ZFP69B: variants seen among roughly 807,000 people sequenced by gnomAD.
The protein encoded by ZFP69B is ZFP69 zinc finger protein B.
Under a neutral mutation model 19.7 loss-of-function variants are expected in ZFP69B, and 20 were observed. The ratio of observed to expected loss-of-function variants is 1.02; its 90% CI spans 0.71 to 1.48. ZFP69B has a LOEUF of 1.48. ZFP69B is among the 40% of genes most tolerant of loss of function. ZFP69B has a pLI of 0.00. For missense variants in ZFP69B, 583 were observed against 632.6 expected, an observed-to-expected ratio of 0.92 and a Z score of 0.84; for synonymous variants, 220 against 222.7, an observed-to-expected ratio of 0.99 and a Z score of 0.11.
In ZFP69B at chr1:40,463,146, G is replaced by A. The variant is rs763213145; in HGVS notation, c.1162G>A (p.Glu388Lys). ...LIQHLRTHVR[E>K]KPFTCKDCGK... ...CCAGCATTTGAGAACTCATGTTAGA[G>A]AGAAACCTTTTACATGCAAAGACTG... The change falls in exon 5 of 5, where the codon GAG becomes AAG. Residue 388 changes from glutamate (E) to lysine (K), a missense_variant. Transcript: ENST00000361584. The A allele has an allele frequency of 7.4e-6, 12 of 1,614,028 alleles. No individual in the cohort carries two copies. In the East Asian group the frequency reaches 2.5e-4, roughly 33 times the overall value.
rs749062153 is a variant in ZFP69B at position 40,462,575 on chromosome 1, C to G, written c.591C>G (p.Ser197Arg). ...TCTCCAAATGTAATAAGCTAGAAAG[C>G]CAACAAGAGAACCAAAGAATGGGTA... ...GRISKCNKLESQQENQRMGKG... is the reference protein window; with the variant it reads ...GRISKCNKLERQQENQRMGKG... Residue 197 changes from serine to arginine, a missense_variant, in exon 5 of 5, where the codon AGC (serine) becomes AGG (arginine). Ser to Arg is a moderately radical substitution (Grantham distance 110). Coordinates refer to ENST00000361584, the MANE Select transcript of ZFP69B (RefSeq NM_023070.3). 3.7e-6 allele frequency: 6 copies of G among 1,614,028 alleles called. No homozygotes were observed. The Admixed American group carries it at 6.7e-5, about 18-fold the overall frequency.
At chr1:40,451,664 G>A (rs558748059) in intron 1 of ZFP69B, among the ~76,000 whole-genome samples, 1 of 138,360 alleles carries the variant, frequency 7.2e-6, no homozygotes, top group Admixed American at 7.1e-5. Context: ...GGGGGGGGGG[G>A]AATTCATTTG....
chr1:40,458,420 G>A (rs770819943), intron 4 of ZFP69B, among the ~76,000 whole-genome samples: 2 of 151,822 alleles, frequency 1.3e-5, no homozygotes, highest in South Asian at 2.1e-4. Context: ...GTAATAAATC[G>A]ACTCCAAAAT....
chr1:40,451,696 A>G (rs1331947559), intron 1 of ZFP69B, among the ~76,000 whole-genome samples: 2 of 151,930 alleles, frequency 1.3e-5, no homozygotes, highest in Non-Finnish European at 1.5e-5. Context: ...GGTAATTAAT[A>G]CACTGATTCC....
chr1:40,451,043 C>T lies in ZFP69B; in HGVS notation c.82C>T (p.Arg28Trp), dbSNP rs1270084601. 10 of 1,549,022 alleles carry T rather than the reference C, an allele frequency of 6.5e-6. No individual in the cohort carries two copies. Among genetic ancestry groups the T allele is most frequent in the African/African-American group, 1.4e-5 (1 of 72,806 alleles). Residue 28 changes from arginine to tryptophan, a missense_variant, in exon 1 of 5, where the codon CGG (arginine) becomes TGG (tryptophan). Physicochemically the swap from Arg to Trp is moderately radical, Grantham distance 101. Transcript: ENST00000361584. ...GCGTCATCCAAAGGCGGCCACGGAG[C>T]GGGTGGCCCTGTGGGAGGATGTGAC... ...KLRHPKAATE[R>W]VALWEDVTKM...
chr1:40,462,731 A>G lies in ZFP69B; in HGVS notation c.747A>G (p.Arg249=), dbSNP rs774931726. ...MPGPIGLPRK[R]DRKYDTPGKR... ...GACCAATAGGTCTTCCAAGAAAAAG[A>G]GATCGTAAATATGACACACCTGGAA... The change falls in exon 5 of 5, where the codon AGA becomes AGG. Residue 249 remains arginine (R), a synonymous_variant. Transcript: ENST00000361584. The G allele has an allele frequency of 6.2e-7, 1 of 1,614,168 alleles. No individual in the cohort carries two copies. The highest frequency in any genetic ancestry group is 1.1e-5 in the South Asian group (1 of 91,074).
rs548493436 is a variant in ZFP69B at position 40,457,263 on chromosome 1, C to G, written c.341-81C>G. Reference sequence around the variant, plus strand: ...TCTACTCTGCTTTCTTTAGAAGGCCCGAATACCAAAGAACCATATTTAAAT... The same window carrying G: ...TCTACTCTGCTTTCTTTAGAAGGCCGGAATACCAAAGAACCATATTTAAAT... On this transcript the variant is annotated intron_variant, in intron 3 of 4. Coordinates refer to ENST00000361584, the MANE Select transcript of ZFP69B (RefSeq NM_023070.3). 11 of 1,526,662 alleles carry G rather than the reference C, an allele frequency of 7.2e-6. No individual in the cohort carries two copies. The Middle Eastern group carries it at 1.5e-3, about 211-fold the overall frequency. 94.6% of individuals were successfully genotyped at this position (1,526,662 alleles called of 1,614,324 possible). A position where few individuals can be genotyped will look rare whatever the true frequency, so the allele number is the denominator to read the frequency against.
Position 40,463,415 on chromosome 1 carries a change from C to T in ZFP69B, c.1431C>T (p.Cys477=), listed in dbSNP as rs142494383. The T allele has an allele frequency of 8.3e-3, 13,472 of 1,613,956 alleles. 90 individuals are homozygous for T. The highest frequency in any genetic ancestry group is 9.7e-3 in the Non-Finnish European group (11,501 of 1,179,968). The part of the protein sequence containing the change: ...RVHTGVKPYE[C]SHCGKAFRHD... ...ATACTGGAGTAAAACCTTATGAATG[C>T]AGTCATTGTGGGAAAGCCTTTAGGC... The change falls in exon 5 of 5, where the codon TGC becomes TGT. Residue 477 remains cysteine (C), a synonymous_variant. Transcript: ENST00000361584.
chr1:40,452,201 A>C (rs1397509713), intron 1 of ZFP69B, among the ~76,000 whole-genome samples: 1 of 152,192 alleles, frequency 6.6e-6, no homozygotes, highest in Non-Finnish European at 1.5e-5. Flanking sequence ...TTGAAAGGTT[A>C]ATGGGGAACA....
At chr1:40,457,196 C>T in intron 3 of ZFP69B, 125 bp downstream of exon 3, 1 of 1,507,136 alleles carries the variant, frequency 6.6e-7, no homozygotes, top group Non-Finnish European at 9.1e-7. Flanking sequence ...TCTGAACACC[C>T]AGTCAGGATT....
intron 1 of ZFP69B, 71 bp from the exon 2 acceptor site, chr1:40,454,132 G>A: frequency 8.1e-7 from 1 of 1,234,310 alleles, no homozygotes. Flanking sequence ...ACAATGAGTG[G>A]GTCTGTAGGC....
chr1:40,453,304 A>C (rs936768033), intron 1 of ZFP69B, among the ~76,000 whole-genome samples: 8 of 152,148 alleles, frequency 5.3e-5, no homozygotes, highest in Non-Finnish European at 1.0e-4. Flanking sequence ...TGTTACTTAA[A>C]TTCTAGAAAG....
rs1230662226 is a variant in ZFP69B, at chr1:40,454,275, C to T, written c.200C>T (p.Thr67Ile). The T allele has an allele frequency of 1.3e-6, 2 of 1,586,058 alleles. No homozygotes were observed. Among genetic ancestry groups the T allele is most frequent in the Non-Finnish European group, 1.7e-6 (2 of 1,164,424 alleles). The change falls in exon 2 of 5, where the codon ACA becomes ATA. Residue 67 changes from threonine (T) to isoleucine (I), a missense_variant. By Grantham distance (89) the Thr-to-Ile change is moderately conservative. Coordinates refer to ENST00000361584, the MANE Select transcript of ZFP69B (RefSeq NM_023070.3). ...AGTAGAGTGACCCTTGGATCCCTGA[C>T]AGCAGAATCCCAGGTGGGTTGGAGT... Reference protein sequence around the residue: ...LESRVTLGSLTAESQELLTFK... With the variant: ...LESRVTLGSLIAESQELLTFK...
intron 4 of ZFP69B, 63 bp downstream of exon 4, chr1:40,457,502 C>A: frequency 7.0e-7 from 1 of 1,430,160 alleles, no homozygotes; most frequent in Non-Finnish European, 9.8e-7. Flanking sequence ...AAGGCCTTCT[C>A]CAAGTTGTGG....
chr1:40,463,154 T>C lies in ZFP69B; in HGVS notation c.1170T>C (p.Pro390=). ...TGAGAACTCATGTTAGAGAGAAACC[T>C]TTTACATGCAAAGACTGTGGAAAAG... ...QHLRTHVREK[P]FTCKDCGKAF... Residue 390 remains proline (P), a synonymous_variant, in exon 5 of 5, where the codon CCT becomes CCC. Coordinates refer to ENST00000361584, the MANE Select transcript of ZFP69B (RefSeq NM_023070.3). 2 of 1,614,138 alleles carry C rather than the reference T, an allele frequency of 1.2e-6. No individual in the cohort carries two copies. Among genetic ancestry groups the C allele is most frequent in the Admixed American group, 3.3e-5 (2 of 60,016 alleles).
intron 1 of ZFP69B, among the ~76,000 whole-genome samples, chr1:40,453,565 C>G (rs1164874995): frequency 6.6e-6 from 1 of 152,066 alleles, no homozygotes; most frequent in Non-Finnish European, 1.5e-5. Flanking sequence ...AGTTTTTCAC[C>G]AAATAGGATT....
In ZFP69B at chr1:40,451,055, T is replaced by C; in HGVS notation, c.94T>C (p.Trp32Arg). 1.3e-6 allele frequency: 2 copies of C among 1,547,918 alleles called. No individual in the cohort carries two copies. The highest frequency in any genetic ancestry group is 2.0e-5 in the Admixed American group (1 of 50,598). ...GGCGGCCACGGAGCGGGTGGCCCTGTGGGAGGATGTGACTAAGATGTTTAA... is the reference window on the plus strand; with the variant it reads ...GGCGGCCACGGAGCGGGTGGCCCTGCGGGAGGATGTGACTAAGATGTTTAA... ...PKAATERVALWEDVTKMFKAE... is the reference protein window; with the variant it reads ...PKAATERVALREDVTKMFKAE... Residue 32 changes from tryptophan to arginine, a missense_variant, in exon 1 of 5, where the codon TGG (tryptophan) becomes CGG (arginine). By Grantham distance (101) the Trp-to-Arg change is moderately radical. Transcript: ENST00000361584.
Position 40,463,146 on chromosome 1 carries a change from GA to G in ZFP69B, c.1163del (p.Glu388GlyfsTer29). 1 of 1,614,146 alleles carries G rather than the reference GA, an allele frequency of 6.2e-7. No individual in the cohort carries two copies. Among genetic ancestry groups the G allele is most frequent in the Non-Finnish European group, 8.5e-7 (1 of 1,180,018 alleles). On this transcript the variant is annotated frameshift_variant, in exon 5 of 5. Transcript: ENST00000361584. LOFTEE classifies it low-confidence loss of function (END_TRUNC). ...CCAGCATTTGAGAACTCATGTTAGA[GA>G]GAAACCTTTTACATGCAAAGACTGT... Reference protein sequence around the residue: ...LIQHLRTHVREKPFTCKDCGK... With the variant: ...LIQHLRTHVRXKPFTCKDCGK...
chr1:40,461,103 CCCACT>C (rs1419160866), intron 4 of ZFP69B, among the ~76,000 whole-genome samples: 1 of 149,686 alleles, frequency 6.7e-6, no homozygotes, highest in African/African-American at 2.5e-5. Context: ...TCAAGATCGC[CCCACT>C]CCACTCCAGC....
Sources: allele counts gnomAD v4.1 joint callset (sites outside exome capture counted in the v4.1 genomes callset), GRCh38; gene constraint gnomAD v4.1.1; transcripts MANE v1.5; gene names NCBI Gene and HGNC (gene_info 2026-07-23, HGNC 2026-07-21).